SMG5: variants seen among roughly 807,000 people sequenced by gnomAD.
SMG5 encodes the protein nonsense-mediated mRNA decay factor SMG5.
Under a neutral mutation model 122.9 loss-of-function variants are expected in SMG5, and 53 were observed. That is an observed-to-expected ratio of 0.43 (90% CI 0.35 to 0.54). SMG5 has a LOEUF of 0.54. SMG5 is among the 20% of genes least tolerant of loss of function. The pLI, the probability that SMG5 is intolerant of heterozygous loss-of-function variation, is 0.01. For synonymous variants in SMG5, 477 were observed against 490.2 expected, an observed-to-expected ratio of 0.97 and a Z score of 0.35; for missense variants, 1,153 against 1,285.6, an observed-to-expected ratio of 0.90 and a Z score of 1.58.
At chr1:156,263,249 A>G in intron 13 of SMG5, 146 bp downstream of exon 13, 5 of 915,136 alleles carry the variant, frequency 5.5e-6, no homozygotes, top group South Asian at 3.6e-5. Context: ...CTGTCAGAGC[A>G]TAAGGGCCCA....
In SMG5 at chr1:156,257,511, C is replaced by A. The variant is rs116531693; in HGVS notation, c.2442+1494G>T. On this transcript the variant is annotated intron_variant, in intron 16 of 21. Coordinates refer to ENST00000361813, the MANE Select transcript of SMG5 (RefSeq NM_015327.3). ...CTTGCAGGTACTCCCTACCCCCCGA[C>A]AGGAAGAGTGTCTTCAAGAGCTTTA... Among the ~76,000 whole-genome samples, 306 of 152,190 alleles carry A rather than the reference C, an allele frequency of 2.0e-3. 4 individuals carry two copies. Among genetic ancestry groups the A allele is most frequent in the African/African-American group, 6.8e-3 (284 of 41,508 alleles).
intron 20 of SMG5, 58 bp from the exon 21 acceptor site, chr1:156,251,054 A>T: frequency 6.3e-7 from 1 of 1,588,166 alleles, no homozygotes; most frequent in Non-Finnish European, 8.6e-7. Flanking sequence ...CACAGCCCAA[A>T]CACCAGGATC....
At chr1:156,259,658 A>G (rs933213993) in intron 15 of SMG5, among the ~76,000 whole-genome samples, 3 of 152,036 alleles carry the variant, frequency 2.0e-5, no homozygotes, top group African/African-American at 2.4e-5. Flanking sequence ...GCCCCCAAGT[A>G]GCTGGGACTA....
chr1:156,258,907 T>G (rs1006461635), intron 16 of SMG5, 98 bp downstream of exon 16: 68 of 1,456,696 alleles, frequency 4.7e-5, no homozygotes, highest in Non-Finnish European at 6.1e-5. Context: ...TACTATGTCC[T>G]TCAGGTGGAG....
chr1:156,261,793 G>A (rs1661850475), intron 13 of SMG5, among the ~76,000 whole-genome samples: 1 of 151,670 alleles, frequency 6.6e-6, no homozygotes, highest in East Asian at 1.9e-4. Context: ...GGGAGGCTGA[G>A]GCAGGAGAAT....
chr1:156,283,012 G>C (rs959861998), upstream of SMG5: 4 of 506,214 alleles, frequency 7.9e-6, no homozygotes, highest in African/African-American at 4.0e-5. Context: ...AAAGCTATCA[G>C]AGAACGGACA....
rs35457785 is a variant in SMG5 at position 156,265,036 on chromosome 1, TACACAC to T, written c.1855+739_1855+744del. On this transcript the variant is annotated intron_variant, in intron 12 of 21. Transcript: ENST00000361813. ...GTGAGACTCTGTCTCAAAAAAAAAA[TACACAC>T]ACACACACACACACACACACACACA... 1.2e-3 allele frequency among the ~76,000 whole-genome samples: 151 copies of T among 122,824 alleles called. 1 individual carries two copies. The East Asian group carries it at 0.022, about 18-fold the overall frequency. The allele number at this position is 122,824 out of a possible 152,430, so 80.6% of individuals were successfully genotyped here. A position where few individuals can be genotyped will look rare whatever the true frequency, so the allele number is the denominator to read the frequency against.
At chr1:156,279,529 C>T (rs967074411) in intron 1 of SMG5, among the ~76,000 whole-genome samples, 3 of 152,142 alleles carry the variant, frequency 2.0e-5, no homozygotes, top group African/African-American at 7.2e-5. Context: ...AAATTACCCA[C>T]CCTTTTAAAG....
At chr1:156,257,436 G>A (rs915511211) in intron 16 of SMG5, among the ~76,000 whole-genome samples, 3 of 152,074 alleles carry the variant, frequency 2.0e-5, no homozygotes, top group Non-Finnish European at 2.9e-5. Flanking sequence ...AGCAAGCAAC[G>A]TGGCCTGTGT....
upstream of SMG5, chr1:156,285,545 C>T (rs954198560): frequency 1.2e-6 from 2 of 1,614,120 alleles, no homozygotes; most frequent in African/African-American, 2.7e-5. Flanking sequence ...GTCAGAACCA[C>T]TTACCAAGCT....
chr1:156,280,230 A>G (rs1341679465), intron 1 of SMG5, among the ~76,000 whole-genome samples: 1 of 152,236 alleles, frequency 6.6e-6, no homozygotes, highest in Non-Finnish European at 1.5e-5. Flanking sequence ...AGAGGACATC[A>G]GGCAGGAGCT....
At chr1:156,257,463 A>G (rs1270589297) in intron 16 of SMG5, among the ~76,000 whole-genome samples, 1 of 151,998 alleles carries the variant, frequency 6.6e-6, no homozygotes, top group Non-Finnish European at 1.5e-5. Flanking sequence ...TGGCATGTGG[A>G]GTCTAGCACC....
chr1:156,263,852 CGTT>C (rs1308037971), intron 12 of SMG5, among the ~76,000 whole-genome samples: 1 of 152,148 alleles, frequency 6.6e-6, no homozygotes, highest in African/African-American at 2.4e-5. Context: ...TAATTTGTGA[CGTT>C]GATCTACAGC....
chr1:156,272,217 A>G (rs1662468452), intron 7 of SMG5, 103 bp downstream of exon 7: 2 of 1,038,444 alleles, frequency 1.9e-6, no homozygotes, highest in Admixed American at 2.0e-5. Flanking sequence ...GCATTCCCCT[A>G]TCTCAGCCAC....
At chr1:156,279,222 T>G in intron 1 of SMG5, among the ~76,000 whole-genome samples, 188 bp from the exon 2 acceptor site, 2 of 123,218 alleles carry the variant, frequency 1.6e-5, no homozygotes, top group East Asian at 2.8e-4. Flanking sequence ...CCCCTGCCCC[T>G]CCCCACCCCC....
chr1:156,279,952 C>T (rs1049967792), intron 1 of SMG5, among the ~76,000 whole-genome samples: 2 of 152,190 alleles, frequency 1.3e-5, no homozygotes, highest in Non-Finnish European at 2.9e-5. Flanking sequence ...TTCCTTACGT[C>T]TCACTTCACC....
At chr1:156,276,571 G>A (rs1432647146) in intron 4 of SMG5, among the ~76,000 whole-genome samples, 1 of 152,226 alleles carries the variant, frequency 6.6e-6, no homozygotes, top group Non-Finnish European at 1.5e-5. Flanking sequence ...AGAGAGCTGG[G>A]TGAAGGAGCT....
At chr1:156,271,647 C>T (rs1274362115) in intron 7 of SMG5, among the ~76,000 whole-genome samples, 2 of 113,102 alleles carry the variant, frequency 1.8e-5, no homozygotes, top group African/African-American at 3.2e-5. Context: ...GATCTCGGCT[C>T]ACTGCAACCT....
At chr1:156,254,395 G>C (rs1050694341) in intron 16 of SMG5, among the ~76,000 whole-genome samples, 3 of 152,168 alleles carry the variant, frequency 2.0e-5, no homozygotes, top group East Asian at 1.9e-4. Flanking sequence ...GCTAAGGATG[G>C]GGACTTTATC....
Sources: allele counts gnomAD v4.1 joint callset (sites outside exome capture counted in the v4.1 genomes callset), GRCh38; gene constraint gnomAD v4.1.1; transcripts MANE v1.5; gene names NCBI Gene and HGNC (gene_info 2026-07-23, HGNC 2026-07-21).